The following ZNF35 variants were observed in gnomAD, a reference collection of about 807,000 sequenced individuals.
ZNF35 encodes zinc finger protein 35, also known as zinc finger protein 35 (clone HF.10).
In ZNF35, 31 loss-of-function variants were observed where a neutral mutation model predicts 45.9. The observed-to-expected ratio is 0.68, with a 90% CI of 0.51 to 0.91. The LOEUF (loss-of-function observed/expected upper bound fraction) is 0.91, where lower values mean the gene tolerates loss of function less well. Among genes scored for constraint, ZNF35 ranks in the 40% least tolerant of loss-of-function variants. The pLI, the probability that ZNF35 is intolerant of heterozygous loss-of-function variation, is 0.00. For synonymous variants in ZNF35, 205 were observed against 220.2 expected, an observed-to-expected ratio of 0.93 and a Z score of 0.61; for missense variants, 515 against 625.4, an observed-to-expected ratio of 0.82 and a Z score of 1.88.
chr3:44,648,942 AG>A, intron 1 of ZNF35, 108 bp downstream of exon 1: 1 of 152,338 alleles, frequency 6.6e-6, no homozygotes, highest in East Asian at 1.9e-4. Context: ...CGGGGACACC[AG>A]CCTTGTCTGT....
upstream of ZNF35, chr3:44,646,554 G>C (rs777579188): frequency 8.4e-7 from 1 of 1,196,078 alleles, no homozygotes; most frequent in Admixed American, 1.7e-5. Flanking sequence ...GACACATCCA[G>C]AACGTGGAAT....
At chr3:44,650,663 T>C (rs755060684) in intron 1 of ZNF35, among the ~76,000 whole-genome samples, 1 of 152,240 alleles carries the variant, frequency 6.6e-6, no homozygotes, top group Admixed American at 6.5e-5. Flanking sequence ...AATCATTTGC[T>C]GCTTTTAAGT....
chr3:44,652,335 T>G (rs1324956381), intron 2 of ZNF35, among the ~76,000 whole-genome samples: 1 of 152,172 alleles, frequency 6.6e-6, no homozygotes, highest in Non-Finnish European at 1.5e-5. Context: ...GATTCTGGAG[T>G]GAGCAGTGAG....
In ZNF35 at chr3:44,658,812, C is replaced by A; in HGVS notation, c.449C>A (p.Pro150His). The stretch of plus-strand genomic sequence containing the variant: ...ATCCAGAAAGCTGATCCTCAAGGAC[C>A]TGAGTTAGGAGAAGCTTGTGAAAAG... The part of the protein sequence containing the change: ...ERIQKADPQG[P>H]ELGEACEKGN... The change falls in exon 4 of 4, where the codon CCT (proline) becomes CAT (histidine). Residue 150 changes from proline to histidine, a missense_variant. Pro to His is a moderately conservative substitution (Grantham distance 77). This residue lies in a region of ZNF35 where 275 missense variants were observed against 295.7 expected (regional missense o/e 0.93). Coordinates refer to ENST00000396056, the MANE Select transcript of ZNF35 (RefSeq NM_003420.4). The A allele has an allele frequency of 1.2e-6, 2 of 1,613,172 alleles. No homozygotes were observed. The highest frequency in any genetic ancestry group is 1.7e-6 in the Non-Finnish European group (2 of 1,179,850).
At chr3:44,657,244 T>C (rs1316425664) in intron 3 of ZNF35, among the ~76,000 whole-genome samples, 1 of 152,164 alleles carries the variant, frequency 6.6e-6, no homozygotes, top group Non-Finnish European at 1.5e-5. Context: ...AATATTTCCC[T>C]CTCATGGGTG....
At chr3:44,651,328 C>A in intron 2 of ZNF35, 69 bp downstream of exon 2, 2 of 1,420,944 alleles carry the variant, frequency 1.4e-6, no homozygotes, top group South Asian at 2.7e-5. Context: ...AGAGGGGACT[C>A]TGCCCCTCTG....
chr3:44,652,545 G>C lies in ZNF35; in HGVS notation c.193-12G>C. The C allele has an allele frequency of 1.9e-6, 3 of 1,560,576 alleles. No individual in the cohort carries two copies. Among genetic ancestry groups the C allele is most frequent in the Non-Finnish European group, 2.6e-6 (3 of 1,154,106 alleles). On this transcript the variant is annotated splice_polypyrimidine_tract_variant and intron_variant, in intron 2 of 3. Coordinates refer to ENST00000396056, the MANE Select transcript of ZNF35 (RefSeq NM_003420.4). ...CCAGTTCCCTCTTAAACATGTGCCT[G>C]CTTGTCTCTAGGGTCAGAACATATC...
rs545070636 is a variant in ZNF35, at chr3:44,649,569, C to CT, written c.-128+736dup. On this transcript the variant is annotated intron_variant, in intron 1 of 3. Transcript: ENST00000396056. ...TCACAGGTTAAAAACAAAAACCCTGCTGGCTTAGCTGTGATAAAGGGTTAC... is the reference window on the plus strand; with the variant it reads ...TCACAGGTTAAAAACAAAAACCCTGCTTGGCTTAGCTGTGATAAAGGGTTAC... Among the ~76,000 whole-genome samples the CT allele has an allele frequency of 4.5e-3, 683 of 152,238 alleles. 4 individuals are homozygous for CT. Among genetic ancestry groups the CT allele is most frequent in the Non-Finnish European group, 6.3e-3 (430 of 68,006 alleles).
intron 3 of ZNF35, among the ~76,000 whole-genome samples, chr3:44,655,394 A>G (rs1703282073): frequency 6.7e-6 from 1 of 150,348 alleles, no homozygotes. Context: ...TGGCAGGCTT[A>G]TGTAGCATTT....
At chr3:44,649,224 C>G (rs987637273) in intron 1 of ZNF35, among the ~76,000 whole-genome samples, 7 of 152,228 alleles carry the variant, frequency 4.6e-5, no homozygotes, top group African/African-American at 1.7e-4. Context: ...TGAGAGTACT[C>G]ACTGTAGGCA....
intron 1 of ZNF35, among the ~76,000 whole-genome samples, chr3:44,649,075 G>A (rs1036114281): frequency 2.0e-5 from 3 of 152,232 alleles, no homozygotes; most frequent in Admixed American, 6.5e-5. Flanking sequence ...CCCAGGGACA[G>A]GGCCGCGAGG....
chr3:44,656,198 C>T (rs1171557798), intron 3 of ZNF35, among the ~76,000 whole-genome samples: 1 of 151,502 alleles, frequency 6.6e-6, no homozygotes, highest in East Asian at 1.9e-4. Context: ...ATATTTCACA[C>T]AAAAAATTAA....
At chr3:44,648,323 A>T (rs1234363796), upstream of ZNF35, 1 of 152,246 alleles carries the variant, frequency 6.6e-6, no homozygotes, top group Non-Finnish European at 1.5e-5. Context: ...TTTCAAAAAA[A>T]TGATTTTAAA....
upstream of ZNF35, chr3:44,647,222 A>G (rs957288850): frequency 6.6e-6 from 1 of 152,216 alleles, no homozygotes; most frequent in Non-Finnish European, 1.5e-5. Context: ...AAGATGTTCA[A>G]CATCATTAGG....
In ZNF35 at chr3:44,660,347, G is replaced by A. The variant is rs946327320; in HGVS notation, c.*400G>A. On this transcript the variant is annotated 3_prime_UTR_variant, in exon 4 of 4. Transcript: ENST00000396056. ...TGCCTGGTTGAATTCTGGTTGAACC[G>A]TGTATTCTAATATTTCTGGTTAAGT... 10 of 159,288 alleles carry A rather than the reference G, an allele frequency of 6.3e-5. No individual in the cohort carries two copies. The highest frequency in any genetic ancestry group is 1.9e-4 in the African/African-American group (8 of 41,606). The allele number at this position is 159,288 out of a possible 1,614,324, so 9.9% of individuals were successfully genotyped here.
chr3:44,652,496 T>C (rs1703221769), intron 2 of ZNF35, 61 bp from the exon 3 acceptor site: 4 of 1,396,952 alleles, frequency 2.9e-6, no homozygotes, highest in Admixed American at 5.5e-5. Flanking sequence ...ATTCTCAAAA[T>C]TGTAACCACA....
intron 3 of ZNF35, among the ~76,000 whole-genome samples, chr3:44,656,393 A>ATT (rs35391505): frequency 4.2e-4 from 61 of 144,270 alleles, no homozygotes; most frequent in African/African-American, 1.4e-3. Flanking sequence ...AGCATTTCAG[A>ATT]TTTTTTTTTT....
chr3:44,651,325 A>C (rs1575513671), intron 2 of ZNF35, 66 bp downstream of exon 2: 4 of 1,450,716 alleles, frequency 2.8e-6, no homozygotes, highest in Non-Finnish European at 1.9e-6. Context: ...TTAAGAGGGG[A>C]CTCTGCCCCT....
In ZNF35 at chr3:44,659,786, A is replaced by G. The variant is rs1237986863; in HGVS notation, c.1423A>G (p.Thr475Ala). The G allele has an allele frequency of 1.2e-6, 2 of 1,610,054 alleles. No homozygotes were observed. Among genetic ancestry groups the G allele is most frequent in the Non-Finnish European group, 1.7e-6 (2 of 1,178,536 alleles). ...QRIHNGEKPY[T>A]CNECGKAFRQ... ...AATTCATAATGGAGAAAAACCTTAC[A>G]CATGTAATGAGTGTGGGAAGGCCTT... The change falls in exon 4 of 4, where the codon ACA (threonine) becomes GCA (alanine). Residue 475 changes from threonine to alanine, a missense_variant. Physicochemically the swap from Thr to Ala is moderately conservative, Grantham distance 58. Around this residue, in one of 3 missense-constraint regions of ZNF35, gnomAD observed 232 missense variants for 304.6 expected, o/e 0.76. Coordinates refer to ENST00000396056, the MANE Select transcript of ZNF35 (RefSeq NM_003420.4). This position sits in a 1 kb window ranked among gnomAD's most constrained non-coding sequence, Gnocchi z 4.3.
Sources: gnomAD v4.1 joint callset for allele counts (sites outside exome capture counted in the v4.1 genomes callset) on GRCh38, gnomAD v4.1.1 for gene constraint, gnomAD v4.1.1 regional missense constraint, Gnocchi (gnomAD v3.1) non-coding constraint, MANE v1.5 for transcripts, NCBI Gene and HGNC (gene_info 2026-07-23, HGNC 2026-07-21) for gene names.